The following CRYBG1 variants were observed in gnomAD, a reference collection of about 807,000 sequenced individuals.
The protein encoded by CRYBG1 is beta/gamma crystallin domain-containing protein 1.
CRYBG1 carries 139 observed loss-of-function variants against 189.2 expected under a neutral mutation model. The observed-to-expected ratio is 0.73, with a 90% CI of 0.64 to 0.85. CRYBG1 has a LOEUF of 0.85. Among genes scored for constraint, CRYBG1 ranks in the 40% least tolerant of loss-of-function variants. The pLI is 0.00. For missense variants in CRYBG1, 2,611 were observed against 2,675.8 expected (o/e 0.98, Z 0.53); for synonymous variants, 1,023 against 1,017.1 (o/e 1.01, Z -0.11).
intron 2 of CRYBG1, among the ~76,000 whole-genome samples, chr6:106,480,469 C>T (rs1488817596): frequency 2.0e-5 from 3 of 150,146 alleles, no homozygotes; most frequent in Non-Finnish European, 4.4e-5. Flanking sequence ...TTGAGACCAT[C>T]CAGGCTAACA....
chr6:106,478,785 C>T (rs564838182), intron 2 of CRYBG1, among the ~76,000 whole-genome samples: 3 of 152,336 alleles, frequency 2.0e-5, no homozygotes, highest in African/African-American at 7.2e-5. Context: ...GCTCCACCTC[C>T]TGTCAGATCA....
chr6:106,521,538 T>C (rs1217558387), intron 4 of CRYBG1, 85 bp downstream of exon 4: 5 of 1,380,496 alleles, frequency 3.6e-6, no homozygotes, highest in Admixed American at 2.3e-5. Context: ...GTTATTCTTT[T>C]AGAAATGGTT....
intron 15 of CRYBG1, 121 bp from the exon 16 acceptor site, chr6:106,553,334 A>G (rs1193745532): frequency 7.8e-6 from 5 of 637,888 alleles, no homozygotes; most frequent in African/African-American, 7.4e-5. Context: ...GATTTCTAAA[A>G]TTCGTACCAG....
chr6:106,444,989 C>CAAAA (rs149819849), intron 1 of CRYBG1, among the ~76,000 whole-genome samples: 4 of 151,964 alleles, frequency 2.6e-5, no homozygotes, highest in Non-Finnish European at 5.9e-5. Context: ...ACAAAACAAA[C>CAAAA]AAACAAACAG....
chr6:106,477,698 A>G (rs1772359813), intron 2 of CRYBG1, among the ~76,000 whole-genome samples: 1 of 152,258 alleles, frequency 6.6e-6, no homozygotes, highest in African/African-American at 2.4e-5. Flanking sequence ...CCCATGGACA[A>G]CGGTTCCGTT....
intron 4 of CRYBG1, 54 bp downstream of exon 4, chr6:106,521,507 G>T: frequency 1.3e-6 from 2 of 1,482,672 alleles, no homozygotes; most frequent in Non-Finnish European, 1.8e-6. Flanking sequence ...CAAGGGAAGA[G>T]AAGGATGATG....
chr6:106,530,091 A>C, intron 7 of CRYBG1, 85 bp from the exon 8 acceptor site: 1 of 1,209,118 alleles, frequency 8.3e-7, no homozygotes, highest in Non-Finnish European at 1.1e-6. Flanking sequence ...CATTTTGATT[A>C]GTTGTAAGAA....
intron 2 of CRYBG1, among the ~76,000 whole-genome samples, chr6:106,502,774 A>T (rs978676507): frequency 2.0e-5 from 3 of 152,164 alleles, no homozygotes; most frequent in Admixed American, 6.5e-5. Flanking sequence ...GTAGTGAAGG[A>T]CTATTTACAA....
At chr6:106,390,542 A>C (rs1254281083) in intron 1 of CRYBG1, among the ~76,000 whole-genome samples, 1 of 152,196 alleles carries the variant, frequency 6.6e-6, no homozygotes, top group Admixed American at 6.5e-5. Context: ...AATCCAGATA[A>C]AAATATGAAA....
chr6:106,482,906 A>G (rs181341571), intron 2 of CRYBG1, among the ~76,000 whole-genome samples: 18 of 152,308 alleles, frequency 1.2e-4, no homozygotes, highest in Admixed American at 1.2e-3. Context: ...GTATAATTTG[A>G]TGTTTCAATG....
At chr6:106,432,107 T>G (rs1364733571) in intron 1 of CRYBG1, among the ~76,000 whole-genome samples, 1 of 152,224 alleles carries the variant, frequency 6.6e-6, no homozygotes, top group African/African-American at 2.4e-5. Flanking sequence ...AAATGCCTCT[T>G]GTCTGTTGAA....
chr6:106,400,556 G>A (rs1189821768), intron 1 of CRYBG1, among the ~76,000 whole-genome samples: 2 of 152,138 alleles, frequency 1.3e-5, no homozygotes, highest in Non-Finnish European at 2.9e-5. Flanking sequence ...GATTTGCCTT[G>A]GTGTTGGAGG....
At position 106,547,332 on chromosome 6, in the gene CRYBG1, A is replaced by T. The variant is rs150772025; in HGVS notation, c.5312+2399A>T. On this transcript the variant is annotated intron_variant, in intron 13 of 21. Transcript: ENST00000633556. Reference sequence around the variant, plus strand: ...GTATTTATTGCGGTCTGTTATGTGCAAAGCATTGTATTATGTCCTCAAAGA... The same window carrying T: ...GTATTTATTGCGGTCTGTTATGTGCTAAGCATTGTATTATGTCCTCAAAGA... 3.2e-4 allele frequency among the ~76,000 whole-genome samples: 49 copies of T among 152,380 alleles called. No homozygotes were observed. In the East Asian group the frequency reaches 8.7e-3, roughly 27 times the overall value.
intron 1 of CRYBG1, among the ~76,000 whole-genome samples, chr6:106,363,569 C>G (rs1199620240): frequency 2.0e-5 from 3 of 152,168 alleles, no homozygotes; most frequent in Non-Finnish European, 4.4e-5. Flanking sequence ...CCCTTCATTT[C>G]TGTCCAGGAC....
At chr6:106,364,693 T>C (rs931974639) in intron 1 of CRYBG1, among the ~76,000 whole-genome samples, 3 of 152,258 alleles carry the variant, frequency 2.0e-5, no homozygotes, top group African/African-American at 7.2e-5. Flanking sequence ...TAGCAGCCAC[T>C]AGTGGCACTG....
chr6:106,558,678 T>C, intron 18 of CRYBG1, 53 bp downstream of exon 18: 1 of 1,503,524 alleles, frequency 6.7e-7, no homozygotes, highest in Non-Finnish European at 9.0e-7. Flanking sequence ...AAAATCAAGT[T>C]TGGGCTGGGC....
intron 21 of CRYBG1, 70 bp from the exon 22 acceptor site, chr6:106,568,402 G>A: frequency 8.2e-7 from 1 of 1,221,556 alleles, no homozygotes; most frequent in Middle Eastern, 1.9e-4. Context: ...ACTGGTGTTA[G>A]GGGAATTGTG....
At chr6:106,479,932 T>C (rs1772408351) in intron 2 of CRYBG1, among the ~76,000 whole-genome samples, 1 of 152,232 alleles carries the variant, frequency 6.6e-6, no homozygotes, top group African/African-American at 2.4e-5. Flanking sequence ...ATCTAACTTA[T>C]CTATTTTTTT....
At chr6:106,404,981 G>A (rs1026464178) in intron 1 of CRYBG1, among the ~76,000 whole-genome samples, 6 of 151,650 alleles carry the variant, frequency 4.0e-5, no homozygotes, top group East Asian at 1.9e-4. Context: ...CAAGCTAGCC[G>A]CAGTTTTTTT....
Sources: allele counts gnomAD v4.1 joint callset (sites outside exome capture counted in the v4.1 genomes callset), GRCh38; gene constraint gnomAD v4.1.1; transcripts MANE v1.5; gene names NCBI Gene and HGNC (gene_info 2026-07-23, HGNC 2026-07-21).